RREB1: variants seen among roughly 807,000 people sequenced by gnomAD.
RREB1 encodes the protein ras responsive element binding protein 1, also known as ras-responsive element-binding protein 1.
RREB1 carries 27 observed loss-of-function variants against 117.8 expected under a neutral mutation model. The ratio of observed to expected loss-of-function variants is 0.23; its 90% confidence interval spans 0.17 to 0.32. The LOEUF is 0.32. Among genes scored for constraint, RREB1 ranks in the 10% least tolerant of loss-of-function variants. RREB1 has a pLI of 1.00. For synonymous variants in RREB1, 1,298 were observed against 1,026.7 expected, an observed-to-expected ratio of 1.26 and a Z score of -5.05; for missense variants, 2,577 against 2,378.2, an observed-to-expected ratio of 1.08 and a Z score of -1.74.
At chr6:7,125,217 A>G (rs758470659) in intron 1 of RREB1, among the ~76,000 whole-genome samples, 3 of 152,212 alleles carry the variant, frequency 2.0e-5, no homozygotes, top group Non-Finnish European at 4.4e-5. Context: ...GCCCTTATAG[A>G]AGGGAGGTCA....
At chr6:7,117,397 T>TG (rs1761455153) in intron 1 of RREB1, among the ~76,000 whole-genome samples, 2 of 28,796 alleles carry the variant, frequency 6.9e-5, no homozygotes, top group Non-Finnish European at 3.1e-4. Context: ...TGTTTTTTTT[T>TG]TTTTTTTTTT....
Position 7,229,635 on chromosome 6 carries a change from G to A in RREB1, c.1536G>A (p.Leu512=), listed in dbSNP as rs764994321. The A allele has an allele frequency of 6.2e-7, 1 of 1,613,070 alleles. No homozygotes were observed. The highest frequency in any genetic ancestry group is 8.5e-7 in the Non-Finnish European group (1 of 1,179,742). Reference sequence around the variant, plus strand: ...TGCCCCCTCTGAAGCCAAAGCCCCTGGTCACACCACGGACGGTGGTGGCCA... The same window carrying A: ...TGCCCCCTCTGAAGCCAAAGCCCCTAGTCACACCACGGACGGTGGTGGCCA... ...KHMPPLKPKP[L]VTPRTVVATS... Residue 512 remains leucine (L), a synonymous_variant, in exon 10 of 13, where the codon CTG becomes CTA. Transcript: ENST00000379938. This position sits in a 1 kb window ranked among gnomAD's most constrained non-coding sequence, Gnocchi z 4.5.
intron 1 of RREB1, among the ~76,000 whole-genome samples, chr6:7,169,602 G>A (rs575311399): frequency 6.6e-6 from 1 of 152,318 alleles, no homozygotes; most frequent in Admixed American, 6.5e-5. Flanking sequence ...CTGCCATTTA[G>A]CAGCTGTGTC....
At chr6:7,142,875 A>G (rs1762678674) in intron 1 of RREB1, among the ~76,000 whole-genome samples, 1 of 152,164 alleles carries the variant, frequency 6.6e-6, no homozygotes, top group South Asian at 2.1e-4. Flanking sequence ...ATGGGGGGAT[A>G]ACTTTTCTCT....
chr6:7,242,705 G>GGGT (rs1554128719), intron 11 of RREB1, among the ~76,000 whole-genome samples: 1 of 151,136 alleles, frequency 6.6e-6, no homozygotes, highest in Admixed American at 6.6e-5. Context: ...AAAAAAGGGG[G>GGGT]GGGGGGAAGG....
In RREB1 at chr6:7,249,619, C is replaced by T. The variant is rs1164005884; in HGVS notation, c.*651C>T. The T allele has an allele frequency of 6.6e-6, 1 of 152,126 alleles. No individual in the cohort carries two copies. The highest frequency in any genetic ancestry group is 1.5e-5 in the Non-Finnish European group (1 of 68,034). The allele number at this position is 152,126 out of a possible 1,614,324, so 9.4% of individuals were successfully genotyped here. ...AGGCCAAAACCAGGGAAGATTCTAGCTTCAGCCTCATGTCCATTTCCAGTC... is the reference window on the plus strand; with the variant it reads ...AGGCCAAAACCAGGGAAGATTCTAGTTTCAGCCTCATGTCCATTTCCAGTC... On this transcript the variant is annotated 3_prime_UTR_variant, in exon 13 of 13. Coordinates refer to ENST00000379938, the MANE Select transcript of RREB1 (RefSeq NM_001003699.4).
intron 6 of RREB1, among the ~76,000 whole-genome samples, chr6:7,205,618 G>A (rs1293111574): frequency 1.3e-5 from 2 of 152,156 alleles, no homozygotes; most frequent in African/African-American, 4.8e-5. Context: ...GCCTAAGGAA[G>A]GTCCGCAGAA....
At chr6:7,133,655 A>G (rs1174645400) in intron 1 of RREB1, among the ~76,000 whole-genome samples, 23 of 152,342 alleles carry the variant, frequency 1.5e-4, no homozygotes, top group Non-Finnish European at 7.4e-5. Context: ...AAGATTATAA[A>G]TAGTCCTAAG....
chr6:7,188,236 T>TGTGTGTGTGC (rs1232099654), intron 5 of RREB1, among the ~76,000 whole-genome samples: 2 of 149,898 alleles, frequency 1.3e-5, no homozygotes, highest in Non-Finnish European at 3.0e-5. Flanking sequence ...CGTGTGTGTG[T>TGTGTGTGTGC]GTGTGTGTGT....
Position 7,181,610 on chromosome 6 carries a change from A to G in RREB1, c.-42-260A>G, listed in dbSNP as rs182856299. ...AACCCAGATTAGGAAAGGTAGAGAA[A>G]CCTGCCTCTCATGAGTTTGAGTCCT... On this transcript the variant is annotated intron_variant, in intron 3 of 12. Transcript: ENST00000379938. The G allele has an allele frequency of 5.7e-4, 328 of 575,978 alleles. 1 individual carries two copies. The highest frequency in any genetic ancestry group is 4.6e-3 in the African/African-American group (241 of 52,908). The allele number at this position is 575,978 out of a possible 1,614,324, so 35.7% of individuals were successfully genotyped here. A position where few individuals can be genotyped will look rare whatever the true frequency, so the allele number is the denominator to read the frequency against.
At chr6:7,174,898 C>T (rs912045032) in intron 1 of RREB1, among the ~76,000 whole-genome samples, 3 of 152,046 alleles carry the variant, frequency 2.0e-5, no homozygotes, top group Admixed American at 6.6e-5. Context: ...TGTGAGCCAC[C>T]GCGCCTGGCC....
rs4053178 is a variant in RREB1, at chr6:7,249,062, T to TGAGAGA, written c.*131_*136dup. 3.2e-3 allele frequency: 1,812 copies of TGAGAGA among 567,928 alleles called. 12 individuals are homozygous for TGAGAGA. Among genetic ancestry groups the TGAGAGA allele is most frequent in the African/African-American group, 0.02 (971 of 49,542 alleles). 35.2% of individuals were successfully genotyped at this position (567,928 alleles called of 1,614,324 possible). On this transcript the variant is annotated 3_prime_UTR_variant, in exon 13 of 13. Transcript: ENST00000379938. ...TCAGTGCCCTTTGGCTGTTGAGGAG[T>TGAGAGA]GAGAGAGAGAGAGAGAGAGAGAGAG...
chr6:7,244,882 C>G (rs1197724593), intron 11 of RREB1, among the ~76,000 whole-genome samples: 1 of 152,212 alleles, frequency 6.6e-6, no homozygotes, highest in Non-Finnish European at 1.5e-5. Context: ...GATGGCAAAT[C>G]ATCAAGCATG....
At position 7,211,629 on chromosome 6, in the gene RREB1, C is replaced by T; in HGVS notation, c.627C>T (p.His209=). ...AGAAGAAAGCTGATGAAGTCTTTCA[C>T]TGCCCAGTATGTTTCAAGGAGTTTG... is the stretch of plus-strand genomic sequence containing the variant. ...DLEKKADEVF[H]CPVCFKEFVC... is the part of the protein sequence containing the mutation. The change falls in exon 8 of 13, where the codon CAC becomes CAT. Residue 209 remains histidine (H), a synonymous_variant. Transcript: ENST00000379938. 6.2e-7 allele frequency: 1 copy of T among 1,613,910 alleles called. No homozygotes were observed. The highest frequency in any genetic ancestry group is 8.5e-7 in the Non-Finnish European group (1 of 1,179,770).
intron 1 of RREB1, among the ~76,000 whole-genome samples, chr6:7,123,882 A>AT (rs1761791076): frequency 6.6e-6 from 1 of 152,102 alleles, no homozygotes; most frequent in African/African-American, 2.4e-5. Flanking sequence ...AAGTACTGGG[A>AT]TTACAGGTGT....
At chr6:7,189,058 G>C in intron 5 of RREB1, 101 bp from the exon 6 acceptor site, 1 of 1,167,808 alleles carries the variant, frequency 8.6e-7, no homozygotes, top group Non-Finnish European at 1.2e-6. Context: ...AGCCAAGAAA[G>C]TTGATTGGTT....
At chr6:7,245,979 G>A (rs1034802452) in intron 11 of RREB1, among the ~76,000 whole-genome samples, 5 of 152,224 alleles carry the variant, frequency 3.3e-5, no homozygotes. Context: ...TTAGGGGTAG[G>A]GGTGGTCCTG....
intron 1 of RREB1, among the ~76,000 whole-genome samples, chr6:7,144,701 T>C (rs1186652820): frequency 6.6e-6 from 1 of 152,332 alleles, no homozygotes; most frequent in South Asian, 2.1e-4. Flanking sequence ...GCTTTACATA[T>C]TCAACAACTG....
intron 1 of RREB1, among the ~76,000 whole-genome samples, chr6:7,150,755 G>A (rs923541067): frequency 5.3e-5 from 8 of 152,246 alleles, no homozygotes; most frequent in Admixed American, 4.6e-4. Context: ...GAGGGGGCTT[G>A]CAGGAGAGAT....
Sources: gnomAD v4.1 joint callset for allele counts (sites outside exome capture counted in the v4.1 genomes callset) on GRCh38, gnomAD v4.1.1 for gene constraint, Gnocchi (gnomAD v3.1) non-coding constraint, MANE v1.5 for transcripts, NCBI Gene and HGNC (gene_info 2026-07-23, HGNC 2026-07-21) for gene names.